Variants in GNRH2 observed in about 807,000 individuals in gnomAD.
GNRH2 encodes the protein gonadotropin releasing hormone 2.
GNRH2 carries 15 observed loss-of-function variants against 12.1 expected under a neutral mutation model. The ratio of observed to expected loss-of-function variants is 1.24; its 90% confidence interval spans 0.83 to 1.90. The LOEUF (loss-of-function observed/expected upper bound fraction) is 1.90. GNRH2 is among the 40% of genes most tolerant of loss of function. GNRH2 has a pLI of 0.00. For synonymous variants in GNRH2, 60 were observed against 62.0 expected, an observed-to-expected ratio of 0.97 and a Z score of 0.15; for missense variants, 143 against 141.4, an observed-to-expected ratio of 1.01 and a Z score of -0.06.
intron 3 of GNRH2, 89 bp from the exon 4 acceptor site, chr20:3,045,597 G>T (rs1368871753): frequency 5.4e-6 from 6 of 1,119,918 alleles, no homozygotes; most frequent in African/African-American, 1.5e-5. Flanking sequence ...GGACTGGGGG[G>T]GACGAGAGGG....
At position 3,044,812 on chromosome 20, in the gene GNRH2, G is replaced by A; in HGVS notation, c.267G>A (p.Lys89=). ...CGGCCCAGTGGTCCCTTCACAGGAA[G>A]CGACACCTGGCACGGACACTGCTGG... is the stretch of plus-strand genomic sequence containing the variant. ...RTTAQWSLHR[K]RHLARTLLTA... The change falls in exon 3 of 4, where the codon AAG becomes AAA. Residue 89 remains lysine, a synonymous_variant. Coordinates refer to ENST00000359100, the MANE Select transcript of GNRH2 (RefSeq NM_178331.2). 1.9e-6 allele frequency: 3 copies of A among 1,611,232 alleles called. No homozygotes were observed. The highest frequency in any genetic ancestry group is 2.5e-6 in the Non-Finnish European group (3 of 1,178,474).
At position 3,044,824 on chromosome 20, in the gene GNRH2, A is replaced by G. The variant is rs2065972064; in HGVS notation, c.279A>G (p.Ala93=). 1 of 1,609,400 alleles carries G rather than the reference A, an allele frequency of 6.2e-7. No homozygotes were observed. Among genetic ancestry groups the G allele is most frequent in the Non-Finnish European group, 8.5e-7 (1 of 1,177,250 alleles). ...QWSLHRKRHL[A]RTLLTAAREP... is the part of the protein sequence containing the mutation. The stretch of plus-strand genomic sequence containing the variant: ...CCCTTCACAGGAAGCGACACCTGGC[A>G]CGGACACTGCTGGTGAGTAGGGTGA... The change falls in exon 3 of 4, where the codon GCA becomes GCG. Residue 93 remains alanine (A), a synonymous_variant. Transcript: ENST00000359100.
Position 3,044,753 on chromosome 20 carries a change from C to G in GNRH2, c.208C>G (p.Leu70Val). The change falls in exon 3 of 4, where the codon CTG (leucine) becomes GTG (valine). Residue 70 changes from leucine (L) to valine (V), a missense_variant. Transcript: ENST00000359100. ...CCTCCCAAGTGATGCCCTGGCTCCC[C>G]TGGACGACAGCATGCCCTGGGAGGG... ...HGLPSDALAP[L>V]DDSMPWEGRT... The G allele has an allele frequency of 6.2e-7, 1 of 1,612,092 alleles. No homozygotes were observed. Among genetic ancestry groups the G allele is most frequent in the Non-Finnish European group, 8.5e-7 (1 of 1,178,932 alleles).
Position 3,045,712 on chromosome 20 carries a change from C to T in GNRH2, c.318C>T (p.Ala106=). The stretch of plus-strand genomic sequence containing the variant: ...CCGCAGCCCGAGAGCCCCGCCCCGC[C>T]CCGCCATCCTCCAATAAAGTGTGAG... ...LLTAAREPRP[A]PPSSNKV Residue 106 remains alanine (A), a synonymous_variant, in exon 4 of 4, where the codon GCC becomes GCT. Transcript: ENST00000359100. 1 of 1,611,450 alleles carries T rather than the reference C, an allele frequency of 6.2e-7. No homozygotes were observed. The highest frequency in any genetic ancestry group is 8.5e-7 in the Non-Finnish European group (1 of 1,177,892).
chr20:3,044,615 G>T lies in GNRH2; in HGVS notation c.154+47G>T, dbSNP rs1420818296. Reference sequence around the variant, plus strand: ...GGGGAGGAAGAAAGTGATGGCCGGGGGCTCCCCCACCCTCCTGGAGCCTGA... The same window carrying T: ...GGGGAGGAAGAAAGTGATGGCCGGGTGCTCCCCCACCCTCCTGGAGCCTGA... On this transcript the variant is annotated intron_variant, in intron 2 of 3. Coordinates refer to ENST00000359100, the MANE Select transcript of GNRH2 (RefSeq NM_178331.2). 5.0e-6 allele frequency: 8 copies of T among 1,610,074 alleles called. No individual in the cohort carries two copies. The African/African-American group carries it at 8.0e-5, about 16-fold the overall frequency.
intron 3 of GNRH2, among the ~76,000 whole-genome samples, chr20:3,045,200 G>GGTGA (rs1159234235): frequency 6.6e-6 from 1 of 150,520 alleles, no homozygotes; most frequent in Non-Finnish European, 1.5e-5. Flanking sequence ...AGTGGAAAGA[G>GGTGA]GTGAGGGATG....
chr20:3,044,311 T>C lies in GNRH2; in HGVS notation c.-7-97T>C, dbSNP rs528706106. On this transcript the variant is annotated intron_variant, in intron 1 of 3. Transcript: ENST00000359100. ...GAAGGGCATAAGGAGATACCAAAGC[T>C]GCCCCTGAGATGCCAGTTTTCCAAA... is the stretch of plus-strand genomic sequence containing the variant. 9 of 920,556 alleles carry C rather than the reference T, an allele frequency of 9.8e-6. 1 individual carries two copies. The South Asian group carries it at 1.3e-4, about 13-fold the overall frequency. 57.0% of individuals were successfully genotyped at this position (920,556 alleles called of 1,614,324 possible).
rs1006487686 is a variant in GNRH2, at chr20:3,045,737, G to C, written c.*1G>C. On this transcript the variant is annotated 3_prime_UTR_variant, in exon 4 of 4. Coordinates refer to ENST00000359100, the MANE Select transcript of GNRH2 (RefSeq NM_178331.2). Reference sequence around the variant, plus strand: ...CCCGCCATCCTCCAATAAAGTGTGAGGTTCTCCGAAGCTGTTGCGTCGAGT... The same window carrying C: ...CCCGCCATCCTCCAATAAAGTGTGACGTTCTCCGAAGCTGTTGCGTCGAGT... The C allele has an allele frequency of 6.2e-7, 1 of 1,602,998 alleles. No homozygotes were observed. Among genetic ancestry groups the C allele is most frequent in the Non-Finnish European group, 8.5e-7 (1 of 1,170,502 alleles).
At position 3,045,653 on chromosome 20, in the gene GNRH2, C is replaced by T. The variant is rs758057143; in HGVS notation, c.292-33C>T. ...AGCTCGGCGGTTACGAGACCAGTGT[C>T]CTGAGACATGACCGCCACCTCTCCC... On this transcript the variant is annotated intron_variant, in intron 3 of 3. Coordinates refer to ENST00000359100, the MANE Select transcript of GNRH2 (RefSeq NM_178331.2). 6 of 1,589,474 alleles carry T rather than the reference C, an allele frequency of 3.8e-6. No homozygotes were observed. In the African/African-American group the frequency reaches 6.7e-5, roughly 18 times the overall value.
In GNRH2 at chr20:3,044,005, A is replaced by G. The variant is rs138816296; in HGVS notation, c.-8+340A>G. 533 of 194,898 alleles carry G rather than the reference A, an allele frequency of 2.7e-3. 5 individuals are homozygous for G. The highest frequency in any genetic ancestry group is 0.01 in the African/African-American group (459 of 43,876). The allele number at this position is 194,898 out of a possible 1,614,324, so 12.1% of individuals were successfully genotyped here. A position where few individuals can be genotyped will look rare whatever the true frequency, so the allele number is the denominator to read the frequency against. ...TAGCACTGGTGCTCCAAACACGCCT[A>G]CATTGAGAACTCCCCTGACCATCCA... is the stretch of plus-strand genomic sequence containing the variant. On this transcript the variant is annotated intron_variant, in intron 1 of 3. Coordinates refer to ENST00000359100, the MANE Select transcript of GNRH2 (RefSeq NM_178331.2).
rs777736923 is a variant in GNRH2, at chr20:3,044,764, C to T, written c.219C>T (p.Ser73=). 6 of 1,612,098 alleles carry T rather than the reference C, an allele frequency of 3.7e-6. No individual in the cohort carries two copies. The highest frequency in any genetic ancestry group is 5.1e-6 in the Non-Finnish European group (6 of 1,178,866). ...PSDALAPLDD[S]MPWEGRTTAQ... is the part of the protein sequence containing the mutation. ...ATGCCCTGGCTCCCCTGGACGACAG[C>T]ATGCCCTGGGAGGGCAGGACCACGG... Residue 73 remains serine, a synonymous_variant, in exon 3 of 4, where the codon AGC becomes AGT. Coordinates refer to ENST00000359100, the MANE Select transcript of GNRH2 (RefSeq NM_178331.2).
At chr20:3,044,888 G>A in intron 3 of GNRH2, 52 bp downstream of exon 3, 1 of 1,483,528 alleles carries the variant, frequency 6.7e-7, no homozygotes. Context: ...GGTCATCAGA[G>A]GCCATTGTGG....
chr20:3,044,496 C>T lies in GNRH2; in HGVS notation c.82C>T (p.His28Tyr). 6.2e-7 allele frequency: 1 copy of T among 1,613,802 alleles called. No homozygotes were observed. The highest frequency in any genetic ancestry group is 1.3e-5 in the African/African-American group (1 of 75,070). ...LGPSEAQHWS[H>Y]GWYPGGKRAL... Reference sequence around the variant, plus strand: ...ACCCTCAGAGGCTCAGCACTGGTCCCATGGCTGGTACCCTGGAGGAAAGCG... The same window carrying T: ...ACCCTCAGAGGCTCAGCACTGGTCCTATGGCTGGTACCCTGGAGGAAAGCG... The change falls in exon 2 of 4, where the codon CAT (histidine) becomes TAT (tyrosine). Residue 28 changes from histidine to tyrosine, a missense_variant. Coordinates refer to ENST00000359100, the MANE Select transcript of GNRH2 (RefSeq NM_178331.2).
chr20:3,044,553 G>A lies in GNRH2; in HGVS notation c.139G>A (p.Ala47Thr). The A allele has an allele frequency of 6.2e-7, 1 of 1,613,788 alleles. No homozygotes were observed. The highest frequency in any genetic ancestry group is 8.5e-7 in the Non-Finnish European group (1 of 1,179,978). ...CAGCTCAGCCCAGGATCCCCAGAAT[G>A]CCCTTAGGCCCCCAGGTGGGTGTCT... ...ALSSAQDPQN[A>T]LRPPAGSPVQ... The change falls in exon 2 of 4, where the codon GCC (alanine) becomes ACC (threonine). Residue 47 changes from alanine to threonine, a missense_variant. Physicochemically the swap from Ala to Thr is moderately conservative, Grantham distance 58 (BLOSUM62 0). Transcript: ENST00000359100.
chr20:3,044,412 GC>G lies in GNRH2; in HGVS notation c.-1del. 3 of 1,613,090 alleles carry G rather than the reference GC, an allele frequency of 1.9e-6. No homozygotes were observed. The highest frequency in any genetic ancestry group is 2.5e-6 in the Non-Finnish European group (3 of 1,179,372). ...ATGCTGTACCCTGTCCATTAGAGCA[GC>G]CATGGCCAGCTCCAGGCGAGGCCTC... On this transcript the variant is annotated 5_prime_UTR_variant, in exon 2 of 4. Coordinates refer to ENST00000359100, the MANE Select transcript of GNRH2 (RefSeq NM_178331.2).
At chr20:3,044,174 G>A in intron 1 of GNRH2, 1 of 515,250 alleles carries the variant, frequency 1.9e-6, no homozygotes, top group Non-Finnish European at 3.5e-6. Flanking sequence ...TAGCCTCTGT[G>A]CCCCAGGCTC....
In GNRH2 at chr20:3,044,753, CT is replaced by C. The variant is rs769942766; in HGVS notation, c.209del (p.Leu70ArgfsTer28). ...HGLPSDALAP[L>X]DDSMPWEGRT... ...CCTCCCAAGTGATGCCCTGGCTCCC[CT>C]GGACGACAGCATGCCCTGGGAGGGC... On this transcript the variant is annotated frameshift_variant, in exon 3 of 4. Transcript: ENST00000359100. LOFTEE classifies it high-confidence loss of function. 1 of 1,612,092 alleles carries C rather than the reference CT, an allele frequency of 6.2e-7. No individual in the cohort carries two copies. The highest frequency in any genetic ancestry group is 1.7e-5 in the Admixed American group (1 of 59,950).
intron 1 of GNRH2, chr20:3,044,040 C>T (rs2065959949): frequency 4.3e-6 from 1 of 232,474 alleles, no homozygotes; most frequent in African/African-American, 2.2e-5. Context: ...ATCTATCCTC[C>T]CATCCATTGG....
At chr20:3,044,985 C>T (rs2065974124) in intron 3 of GNRH2, 149 bp downstream of exon 3, 1 of 641,652 alleles carries the variant, frequency 1.6e-6, no homozygotes, top group Non-Finnish European at 2.8e-6. Flanking sequence ...TTCTCAGTGC[C>T]CCTACTGCAC....
Sources: gnomAD v4.1 joint callset for allele counts (sites outside exome capture counted in the v4.1 genomes callset) on GRCh38, gnomAD v4.1.1 for gene constraint, MANE v1.5 for transcripts, NCBI Gene and HGNC (gene_info 2026-07-23, HGNC 2026-07-21) for gene names.